The following DACH1 variants were observed in gnomAD, a reference collection of about 807,000 sequenced individuals.
The protein encoded by DACH1 is dachshund family transcription factor 1.
In DACH1, 12 loss-of-function variants were observed where a neutral mutation model predicts 54.2. The ratio of observed to expected loss-of-function variants is 0.22; its 90% CI spans 0.14 to 0.36. The LOEUF is 0.36. Ranked by LOEUF, DACH1 falls within the 10% of genes least tolerant of loss-of-function variation. The pLI, the probability that DACH1 is intolerant of heterozygous loss-of-function variation, is 1.00. For missense variants in DACH1, 805 were observed against 929.8 expected, an observed-to-expected ratio of 0.87 and a Z score of 1.75; for synonymous variants, 386 against 366.2, an observed-to-expected ratio of 1.05 and a Z score of -0.62.
chr13:71,461,079 T>A (rs1387232372), intron 10 of DACH1, among the ~76,000 whole-genome samples: 1 of 152,066 alleles, frequency 6.6e-6, no homozygotes, highest in Non-Finnish European at 1.5e-5. Context: ...ATCAACCCTT[T>A]AAATTAAGGC....
At position 71,489,020 on chromosome 13, in the gene DACH1, C is replaced by T. The variant is rs372864647; in HGVS notation, c.1699G>A (p.Glu567Lys). 9 of 1,613,034 alleles carry T rather than the reference C, an allele frequency of 5.6e-6. No individual in the cohort carries two copies. The African/African-American group carries it at 9.4e-5, about 17-fold the overall frequency. Residue 567 changes from glutamate (E) to lysine (K), a missense_variant, in exon 7 of 11, where the codon GAG (glutamate) becomes AAG (lysine). By Grantham distance (56) the Glu-to-Lys change is moderately conservative (BLOSUM62 1). Around this residue, in one of 3 missense-constraint regions of DACH1, gnomAD observed 472 missense variants for 545.3 expected, o/e 0.87. Transcript: ENST00000613252. The part of the protein sequence containing the change: ...FLFPDGLSSI[E>K]TLLTNIQGLL... ...ACCTGTATGTTAGTCAGAAGAGTCT[C>T]GATGGAAGACAGTCCATCAGGAAAC... is the stretch of plus-strand genomic sequence containing the variant.
chr13:71,646,708 C>T (rs1878297623), intron 2 of DACH1, among the ~76,000 whole-genome samples: 1 of 152,010 alleles, frequency 6.6e-6, no homozygotes, highest in Admixed American at 6.6e-5. Flanking sequence ...AATAGAAAAT[C>T]CTCCGTACTT....
chr13:71,753,160 T>C (rs1884998328), intron 1 of DACH1, among the ~76,000 whole-genome samples: 2 of 152,144 alleles, frequency 1.3e-5, no homozygotes, highest in Non-Finnish European at 2.9e-5. Flanking sequence ...TGTGAATGGA[T>C]TGCCACACCA....
chr13:71,596,371 G>A (rs1263251665), intron 3 of DACH1, among the ~76,000 whole-genome samples: 1 of 152,070 alleles, frequency 6.6e-6, no homozygotes, highest in Non-Finnish European at 1.5e-5. Flanking sequence ...TGCCCTCAAA[G>A]CGCTAATAGC....
At chr13:71,545,607 G>A (rs973040327) in intron 6 of DACH1, among the ~76,000 whole-genome samples, 4 of 151,212 alleles carry the variant, frequency 2.6e-5, no homozygotes, top group Admixed American at 6.6e-5. Context: ...AGGAAAGGAA[G>A]GGATGAACCT....
intron 1 of DACH1, among the ~76,000 whole-genome samples, chr13:71,783,630 G>A (rs1181509157): frequency 6.6e-6 from 1 of 152,062 alleles, no homozygotes; most frequent in Non-Finnish European, 1.5e-5. Context: ...AGTAGGAAAG[G>A]CAGAGAAGAA....
At chr13:71,845,053 T>C (rs568662698) in intron 1 of DACH1, among the ~76,000 whole-genome samples, 1 of 152,212 alleles carries the variant, frequency 6.6e-6, no homozygotes, top group East Asian at 1.9e-4. Flanking sequence ...TATAGCACTG[T>C]AGGGTACCTA....
intron 2 of DACH1, among the ~76,000 whole-genome samples, chr13:71,644,035 C>T (rs1878100562): frequency 6.6e-6 from 1 of 152,096 alleles, no homozygotes; most frequent in South Asian, 2.1e-4. Context: ...CAACGTAAAA[C>T]TACAAAAGGG....
At chr13:71,630,339 T>A (rs936432108) in intron 3 of DACH1, among the ~76,000 whole-genome samples, 1 of 152,172 alleles carries the variant, frequency 6.6e-6, no homozygotes, top group Non-Finnish European at 1.5e-5. Context: ...ATAAAGTTGA[T>A]CCTATAATTA....
intron 2 of DACH1, among the ~76,000 whole-genome samples, chr13:71,648,130 C>T (rs1878423024): frequency 6.6e-6 from 1 of 152,146 alleles, no homozygotes; most frequent in Admixed American, 6.5e-5. Context: ...GATATGTCTA[C>T]AGAACACAAA....
chr13:71,608,536 T>G (rs755772412), intron 3 of DACH1, among the ~76,000 whole-genome samples: 27 of 152,030 alleles, frequency 1.8e-4, no homozygotes, highest in Non-Finnish European at 2.1e-4. Flanking sequence ...CAGAAATTCT[T>G]AAAAATAAAC....
intron 3 of DACH1, among the ~76,000 whole-genome samples, chr13:71,616,169 C>T (rs915745646): frequency 6.6e-6 from 1 of 152,112 alleles, no homozygotes; most frequent in Non-Finnish European, 1.5e-5. Flanking sequence ...ATTTTCACTT[C>T]CATGTTTTGG....
At position 71,771,316 on chromosome 13, in the gene DACH1, GATAAATAA is replaced by G. The variant is rs35368673; in HGVS notation, c.849-89414_849-89407del. ...CAGCAAATGCAAAAAGAAGCAAAAG[GATAAATAA>G]ATAAATAAATAAATAAATAAATAAA... On this transcript the variant is annotated intron_variant, in intron 1 of 10. Transcript: ENST00000613252. Among the ~76,000 whole-genome samples the G allele has an allele frequency of 1.5e-3, 119 of 78,952 alleles. 1 individual carries two copies. The highest frequency in any genetic ancestry group is 6.3e-3 in the Middle Eastern group (1 of 158). The allele number at this position is 78,952 out of a possible 152,430, so 51.8% of individuals were successfully genotyped here. A position where few individuals can be genotyped will look rare whatever the true frequency, so the allele number is the denominator to read the frequency against.
At chr13:71,734,017 C>T (rs1317710598) in intron 1 of DACH1, among the ~76,000 whole-genome samples, 3 of 151,766 alleles carry the variant, frequency 2.0e-5, no homozygotes, top group Non-Finnish European at 2.9e-5. Context: ...CCACTGCACT[C>T]CAGCCTGAGT....
intron 1 of DACH1, among the ~76,000 whole-genome samples, chr13:71,799,065 C>G (rs1372725606): frequency 1.3e-5 from 2 of 152,076 alleles, no homozygotes; most frequent in Non-Finnish European, 2.9e-5. Context: ...AGTTTCCCCC[C>G]TTCCTTTATA....
Position 71,617,354 on chromosome 13 carries a change from A to C in DACH1, c.1126+13202T>G, listed in dbSNP as rs577837265. Among the ~76,000 whole-genome samples the C allele has an allele frequency of 2.0e-5, 3 of 152,188 alleles. No homozygotes were observed. In the South Asian group the frequency reaches 6.2e-4, roughly 32 times the overall value. Reference sequence around the variant, plus strand: ...ATTGTTTTTGTCACCTTTATTTCTCAACATTCATGATTTACAGCCAACTAA... The same window carrying C: ...ATTGTTTTTGTCACCTTTATTTCTCCACATTCATGATTTACAGCCAACTAA... On this transcript the variant is annotated intron_variant, in intron 3 of 10. Transcript: ENST00000613252.
chr13:71,667,411 C>A (rs779746885), intron 2 of DACH1, among the ~76,000 whole-genome samples: 5 of 152,060 alleles, frequency 3.3e-5, no homozygotes, highest in Admixed American at 3.3e-4. Context: ...TGGGATGATA[C>A]GCTAATGGGA....
intron 2 of DACH1, among the ~76,000 whole-genome samples, chr13:71,677,174 C>A (rs568258540): frequency 3.2e-4 from 48 of 152,212 alleles, no homozygotes; most frequent in African/African-American, 1.1e-3. Context: ...AAATAGACGT[C>A]ATCTTATAAA....
chr13:71,478,640 C>T (rs879754075), intron 8 of DACH1, among the ~76,000 whole-genome samples: 2 of 152,158 alleles, frequency 1.3e-5, no homozygotes, highest in Non-Finnish European at 2.9e-5. Flanking sequence ...AGTTTCTACT[C>T]TGTGTACTTG....
Sources: gnomAD v4.1 joint callset for allele counts (sites outside exome capture counted in the v4.1 genomes callset) on GRCh38, gnomAD v4.1.1 for gene constraint, gnomAD v4.1.1 regional missense constraint, MANE v1.5 for transcripts, NCBI Gene and HGNC (gene_info 2026-07-23, HGNC 2026-07-21) for gene names.